SLC17A2: variants seen among roughly 807,000 people sequenced by gnomAD.
SLC17A2 encodes the protein solute carrier family 17 member 2, also known as sodium-dependent phosphate transport protein 3.
Under a neutral mutation model 52.1 loss-of-function variants are expected in SLC17A2, and 38 were observed. That is an observed-to-expected ratio of 0.73 (90% CI 0.56 to 0.96). SLC17A2 has a LOEUF of 0.96. SLC17A2 is among the 40% of genes least tolerant of loss of function. The pLI, the probability that SLC17A2 is intolerant of heterozygous loss-of-function variation, is 0.00. For missense variants in SLC17A2, 508 were observed against 583.9 expected (o/e 0.87, Z 1.34); for synonymous variants, 226 against 211.9 (o/e 1.07, Z -0.58).
Position 25,913,227 on chromosome 6 carries a change from C to T in SLC17A2, c.*90G>A. 1.4e-6 allele frequency: 2 copies of T among 1,407,042 alleles called. No homozygotes were observed. The highest frequency in any genetic ancestry group is 1.2e-5 in the South Asian group (1 of 85,200). 87.2% of individuals were successfully genotyped at this position (1,407,042 alleles called of 1,614,324 possible). On this transcript the variant is annotated 3_prime_UTR_variant, in exon 12 of 12. Coordinates refer to ENST00000377850, the MANE Select transcript of SLC17A2 (RefSeq NM_001286123.3). Reference sequence around the variant, plus strand: ...AACACACAGCCAGAGTTAAGAACTGCTGAGTCTATGGTCAGGAATATGGAG... The same window carrying T: ...AACACACAGCCAGAGTTAAGAACTGTTGAGTCTATGGTCAGGAATATGGAG...
intron 3 of SLC17A2, among the ~76,000 whole-genome samples, chr6:25,923,443 C>A (rs1279871807): frequency 1.3e-5 from 2 of 152,180 alleles, no homozygotes; most frequent in Non-Finnish European, 2.9e-5. Flanking sequence ...TCATTGAAGA[C>A]ATCACATAAA....
rs116129010 is a variant in SLC17A2, at chr6:25,917,367, G to A, written c.650-280C>T. On this transcript the variant is annotated intron_variant, in intron 6 of 11. Transcript: ENST00000377850. ...TGCATAGCTGATTAATTACTTTAAA[G>A]TCTCCAATGATTACAGTGTTATGTA... Among the ~76,000 whole-genome samples the A allele has an allele frequency of 5.1e-3, 782 of 152,298 alleles. 10 individuals carry two copies. Among genetic ancestry groups the A allele is most frequent in the African/African-American group, 0.011 (443 of 41,558 alleles).
At chr6:25,929,572 TG>T (rs1766879593) in intron 1 of SLC17A2, among the ~76,000 whole-genome samples, 1 of 152,086 alleles carries the variant, frequency 6.6e-6, no homozygotes, top group Non-Finnish European at 1.5e-5. Context: ...TCAAGATGAG[TG>T]GGGAGGAGTT....
At chr6:25,915,889 C>G in intron 8 of SLC17A2, 21 bp from the exon 9 acceptor site, 3 of 1,610,704 alleles carry the variant, frequency 1.9e-6, no homozygotes, top group Non-Finnish European at 2.5e-6. Flanking sequence ...GAAGTTTATA[C>G]AGAGTAGTTA....
At chr6:25,919,811 A>G (rs140992777) in intron 5 of SLC17A2, among the ~76,000 whole-genome samples, 170 of 151,834 alleles carry the variant, frequency 1.1e-3, no homozygotes, top group African/African-American at 3.9e-3. Flanking sequence ...CTTTCCAGGC[A>G]TATAAACTAA....
rs1766415913 is a variant in SLC17A2, at chr6:25,918,536, C to T, written c.600G>A (p.Gly200=). The T allele has an allele frequency of 2.5e-6, 4 of 1,613,524 alleles. No homozygotes were observed. The South Asian group carries it at 4.4e-5, about 18-fold the overall frequency. ...AFGSFIILCV[G]GLISQALSWP... is the part of the protein sequence containing the mutation. ...AGCTCAAGGCCTGTGAGATTAGTCC[C>T]CCCACACAGAGGATGATGAAGGATC... The change falls in exon 6 of 12, where the codon GGG becomes GGA. Residue 200 remains glycine (G), a synonymous_variant. Coordinates refer to ENST00000377850, the MANE Select transcript of SLC17A2 (RefSeq NM_001286123.3).
intron 1 of SLC17A2, 44 bp from the exon 2 acceptor site, chr6:25,925,923 C>G (rs1766748168): frequency 9.6e-7 from 1 of 1,041,384 alleles, no homozygotes. Context: ...CAAATAATTT[C>G]CCCTTGTTAA....
intron 2 of SLC17A2, 147 bp from the exon 3 acceptor site, chr6:25,924,053 C>G (rs1561881436): frequency 1.5e-6 from 1 of 652,778 alleles, no homozygotes; most frequent in South Asian, 1.9e-5. Flanking sequence ...CACTACAAAC[C>G]CACTTTGTCA....
chr6:25,924,013 T>C, intron 2 of SLC17A2, 107 bp from the exon 3 acceptor site: 1 of 871,326 alleles, frequency 1.1e-6, no homozygotes, highest in Non-Finnish European at 1.8e-6. Flanking sequence ...ACATGAAGTC[T>C]CATTGTCTTT....
At chr6:25,917,787 T>A (rs890855014) in intron 6 of SLC17A2, among the ~76,000 whole-genome samples, 1 of 152,276 alleles carries the variant, frequency 6.6e-6, no homozygotes, top group Non-Finnish European at 1.5e-5. Flanking sequence ...TAGTTTTCTT[T>A]AAATCCCCTC....
At chr6:25,926,319 T>G (rs1447089232) in intron 1 of SLC17A2, among the ~76,000 whole-genome samples, 1 of 152,176 alleles carries the variant, frequency 6.6e-6, no homozygotes, top group Non-Finnish European at 1.5e-5. Context: ...CTGATGGTGT[T>G]TCTCTCCCCT....
At chr6:25,920,487 T>C (rs979810962) in intron 5 of SLC17A2, among the ~76,000 whole-genome samples, 3 of 152,228 alleles carry the variant, frequency 2.0e-5, no homozygotes, top group Non-Finnish European at 4.4e-5. Context: ...AACTCCCTTC[T>C]CTGTAAAATA....
chr6:25,914,587 A>C lies in SLC17A2; in HGVS notation c.1295T>G (p.Ile432Ser), dbSNP rs1561873537. ...TCAATAAACTGGCCCAACCTGACTG[A>C]TGAGGAATCCAGTGGCAGTGGAAGA... is the stretch of plus-strand genomic sequence containing the variant. ...IISSTATGFL[I>S]SQDFESGWRN... The change falls in exon 11 of 12, where the codon ATC becomes AGC. Residue 432 changes from isoleucine (I) to serine (S), a missense_variant. Physicochemically the swap from Ile to Ser is moderately radical, Grantham distance 142. Coordinates refer to ENST00000377850, the MANE Select transcript of SLC17A2 (RefSeq NM_001286123.3). 3 of 1,608,460 alleles carry C rather than the reference A, an allele frequency of 1.9e-6. No individual in the cohort carries two copies. Among genetic ancestry groups the C allele is most frequent in the Non-Finnish European group, 2.6e-6 (3 of 1,174,792 alleles).
intron 10 of SLC17A2, 93 bp downstream of exon 10, chr6:25,915,406 T>A: frequency 9.1e-7 from 1 of 1,093,776 alleles, no homozygotes; most frequent in Non-Finnish European, 1.3e-6. Context: ...ATTAGTGCAA[T>A]GTCAGTAACA....
chr6:25,914,741 T>G, intron 10 of SLC17A2, 71 bp from the exon 11 acceptor site: 2 of 939,192 alleles, frequency 2.1e-6, no homozygotes, highest in Non-Finnish European at 3.4e-6. Context: ...AACTCAACTT[T>G]AATGCAATTC....
At chr6:25,916,595 A>G (rs1311578736) in intron 8 of SLC17A2, 90 bp downstream of exon 8, 12 of 1,059,322 alleles carry the variant, frequency 1.1e-5, no homozygotes, top group Non-Finnish European at 1.7e-5. Context: ...ATTAATGGTT[A>G]TATGTAAAGC....
rs1766741878 is a variant in SLC17A2, at chr6:25,925,776, G to A, written c.21C>T (p.Thr7=). 2 of 1,613,968 alleles carry A rather than the reference G, an allele frequency of 1.2e-6. No homozygotes were observed. The highest frequency in any genetic ancestry group is 1.7e-6 in the Non-Finnish European group (2 of 1,179,948). The change falls in exon 2 of 12, where the codon ACC becomes ACT. Residue 7 remains threonine, a synonymous_variant. Coordinates refer to ENST00000377850, the MANE Select transcript of SLC17A2 (RefSeq NM_001286123.3). MDGKPA[T]RKGPDFCSLR... ...CAAGAGCAGTGGCTTTACCTTTCCT[G>A]GTGGCAGGCTTCCCGTCCATTTAGC...
chr6:25,925,961 GT>G (rs1167019670), intron 1 of SLC17A2, 82 bp from the exon 2 acceptor site: 8 of 748,394 alleles, frequency 1.1e-5, no homozygotes, highest in Non-Finnish European at 1.9e-5. Context: ...ATCAGTAAAA[GT>G]TTTGACCCAA....
intron 10 of SLC17A2, 149 bp downstream of exon 10, chr6:25,915,350 T>TA: frequency 1.4e-6 from 1 of 721,660 alleles, no homozygotes; most frequent in Non-Finnish European, 2.1e-6. Flanking sequence ...TTTGTTGTTC[T>TA]AAAAATGGCC....
Sources: allele counts gnomAD v4.1 joint callset (sites outside exome capture counted in the v4.1 genomes callset), GRCh38; gene constraint gnomAD v4.1.1; transcripts MANE v1.5; gene names NCBI Gene and HGNC (gene_info 2026-07-23, HGNC 2026-07-21).